TMED7: variants seen among roughly 807,000 people sequenced by gnomAD.
TMED7 encodes the protein transmembrane emp24 domain-containing protein 7.
Under a neutral mutation model 23.4 loss-of-function variants are expected in TMED7, and 8 were observed. The ratio of observed to expected loss-of-function variants is 0.34; its 90% CI spans 0.20 to 0.62. The LOEUF (loss-of-function observed/expected upper bound fraction) is 0.62, where lower values mean the gene tolerates loss of function less well. TMED7 is among the 20% of genes least tolerant of loss of function. The pLI, the probability that TMED7 is intolerant of heterozygous loss-of-function variation, is 0.77. For synonymous variants in TMED7, 121 were observed against 108.5 expected (o/e 1.12, Z -0.72); for missense variants, 232 against 279.1 (o/e 0.83, Z 1.20).
At position 115,614,504 on chromosome 5, in the gene TMED7, G is replaced by A. The variant is rs143372344; in HGVS notation, c.*1705C>T. On this transcript the variant is annotated 3_prime_UTR_variant, in exon 3 of 3. Transcript: ENST00000456936. ...TACAACTTTCAAATTTAAATATAAA[G>A]GGACACTTGCAAAGCCGCAAGACAA... is the stretch of plus-strand genomic sequence containing the variant. 2 of 152,438 alleles carry A rather than the reference G, an allele frequency of 1.3e-5. No homozygotes were observed. The highest frequency in any genetic ancestry group is 3.8e-4 in the East Asian group (2 of 5,198). 9.4% of individuals were successfully genotyped at this position (152,438 alleles called of 1,614,324 possible).
chr5:115,622,770 A>G (rs1258472841), intron 1 of TMED7, among the ~76,000 whole-genome samples: 1 of 152,204 alleles, frequency 6.6e-6, no homozygotes, highest in African/African-American at 2.4e-5. Flanking sequence ...TACTATTCAC[A>G]TGTTCTTCCT....
At chr5:115,622,304 G>A (rs1757058117) in intron 1 of TMED7, among the ~76,000 whole-genome samples, 2 of 152,028 alleles carry the variant, frequency 1.3e-5, no homozygotes, top group African/African-American at 4.8e-5. Flanking sequence ...ACCTACTATT[G>A]AAACTGAGGA....
At chr5:115,617,119 C>T (rs1349115329) in intron 2 of TMED7, among the ~76,000 whole-genome samples, 1 of 152,158 alleles carries the variant, frequency 6.6e-6, no homozygotes, top group Non-Finnish European at 1.5e-5. Flanking sequence ...ATTTGTGAGC[C>T]TTTAGCTGAT....
rs1334118734 is a variant in TMED7 at position 115,615,846 on chromosome 5, T to C, written c.*363A>G. The C allele has an allele frequency of 1.2e-5, 3 of 249,026 alleles. No individual in the cohort carries two copies. In the Admixed American group the frequency reaches 1.5e-4, roughly 13 times the overall value. The allele number at this position is 249,026 out of a possible 1,614,324, so 15.4% of individuals were successfully genotyped here. ...TCTTCCTCCCTAACACATGTAGACA[T>C]TAAATCTAAAGTTTTTAAAATATCA... On this transcript the variant is annotated 3_prime_UTR_variant, in exon 3 of 3. Coordinates refer to ENST00000456936, the MANE Select transcript of TMED7 (RefSeq NM_181836.6).
Position 115,625,702 on chromosome 5 carries a change from G to A in TMED7, c.91C>T (p.Pro31Ser). The change falls in exon 1 of 3, where the codon CCC becomes TCC. Residue 31 changes from proline to serine, a missense_variant. Around this residue, in one of 2 missense-constraint regions of TMED7, gnomAD observed 106 missense variants for 97.0 expected, o/e 1.09. Coordinates refer to ENST00000456936, the MANE Select transcript of TMED7 (RefSeq NM_181836.6). ...AAGGTGATCTCAGAGGCGCCGCCGG[G>A]TCCAGGCACCAGTAGCAGCAGTGCG... ...LLALLLLVPG[P>S]GGASEITFEL... 2.5e-6 allele frequency: 4 copies of A among 1,603,132 alleles called. No individual in the cohort carries two copies. The highest frequency in any genetic ancestry group is 3.4e-6 in the Non-Finnish European group (4 of 1,175,982).
At position 115,614,623 on chromosome 5, in the gene TMED7, G is replaced by C. The variant is rs188854122; in HGVS notation, c.*1586C>G. On this transcript the variant is annotated 3_prime_UTR_variant, in exon 3 of 3. Coordinates refer to ENST00000456936, the MANE Select transcript of TMED7 (RefSeq NM_181836.6). ...AAGGAGTAGCTGGTCTTCAAACACC[G>C]TAAAAAGTTAAAGGGTTGAAAACAT... 1 of 152,082 alleles carries C rather than the reference G, an allele frequency of 6.6e-6. No individual in the cohort carries two copies. Among genetic ancestry groups the C allele is most frequent in the Admixed American group, 6.6e-5 (1 of 15,260 alleles). The allele number at this position is 152,082 out of a possible 1,614,324, so 9.4% of individuals were successfully genotyped here.
At chr5:115,616,572 T>A (rs1756758280) in intron 2 of TMED7, 127 bp from the exon 3 acceptor site, 2 of 1,373,548 alleles carry the variant, frequency 1.5e-6, no homozygotes, top group Admixed American at 2.2e-5. Flanking sequence ...CTGGCATTCA[T>A]TCATACATTT....
Position 115,615,066 on chromosome 5 carries a change from AC to A in TMED7, c.*1142del, listed in dbSNP as rs1756650770. 1 of 152,140 alleles carries A rather than the reference AC, an allele frequency of 6.6e-6. No homozygotes were observed. Among genetic ancestry groups the A allele is most frequent in the Admixed American group, 6.5e-5 (1 of 15,272 alleles). 9.4% of individuals were successfully genotyped at this position (152,140 alleles called of 1,614,324 possible). The stretch of plus-strand genomic sequence containing the variant: ...AGTTATAAGATGCAACACAATGTAA[AC>A]CCTATAGTCTACAGAATATGCACTA... On this transcript the variant is annotated 3_prime_UTR_variant, in exon 3 of 3. Transcript: ENST00000456936.
At chr5:115,616,539 C>G (rs1310267794) in intron 2 of TMED7, 94 bp from the exon 3 acceptor site, 2 of 1,551,764 alleles carry the variant, frequency 1.3e-6, no homozygotes, top group Non-Finnish European at 1.8e-6. Flanking sequence ...CTCAATTCCT[C>G]TTTTGACTAA....
rs1030838908 is a variant in TMED7, at chr5:115,615,754, T to G, written c.*455A>C. The G allele has an allele frequency of 5.5e-6, 1 of 181,060 alleles. No individual in the cohort carries two copies. The allele number at this position is 181,060 out of a possible 1,614,324, so 11.2% of individuals were successfully genotyped here. On this transcript the variant is annotated 3_prime_UTR_variant, in exon 3 of 3. Transcript: ENST00000456936. Reference sequence around the variant, plus strand: ...ATTTTTCCTCCATAAAACTGAACAGTGCAGAATAGGGCTTGGGCTACAGTT... The same window carrying G: ...ATTTTTCCTCCATAAAACTGAACAGGGCAGAATAGGGCTTGGGCTACAGTT...
intron 1 of TMED7, among the ~76,000 whole-genome samples, chr5:115,624,512 G>A (rs1757136564): frequency 6.6e-6 from 1 of 152,110 alleles, no homozygotes; most frequent in Admixed American, 6.5e-5. Context: ...TATTAATGCA[G>A]CTACCAAGAA....
Position 115,616,354 on chromosome 5 carries a change from C to T in TMED7, c.530G>A (p.Ser177Asn). 1 of 1,614,196 alleles carries T rather than the reference C, an allele frequency of 6.2e-7. No homozygotes were observed. Among genetic ancestry groups the T allele is most frequent in the Non-Finnish European group, 8.5e-7 (1 of 1,180,016 alleles). ...HFRLREAQGR[S>N]RAEDLNTRVA... ...TCTTGTATTTAGATCCTCTGCTCGG[C>T]TTCGGCCTTGAGCTTCTCTTAAACG... The change falls in exon 3 of 3, where the codon AGC becomes AAC. Residue 177 changes from serine (S) to asparagine (N), a missense_variant. By Grantham distance (46) the Ser-to-Asn change is conservative. Transcript: ENST00000456936.
chr5:115,624,034 C>G (rs1167501303), intron 1 of TMED7, among the ~76,000 whole-genome samples: 1 of 152,148 alleles, frequency 6.6e-6, no homozygotes, highest in Non-Finnish European at 1.5e-5. Context: ...TCATATCGGG[C>G]TTTCCTGAGA....
At chr5:115,623,160 G>T (rs1757093412) in intron 1 of TMED7, among the ~76,000 whole-genome samples, 1 of 152,224 alleles carries the variant, frequency 6.6e-6, no homozygotes, top group Non-Finnish European at 1.5e-5. Context: ...CACAGCAAGA[G>T]ATCTGAAAAG....
chr5:115,620,415 T>C lies in TMED7; in HGVS notation c.438+20A>G, dbSNP rs753789019. ...TCCTTTTAAATATACCAACATTATA[T>C]TGCTGATTTTTTTATTTACCTGGGT... On this transcript the variant is annotated intron_variant, in intron 2 of 2. Coordinates refer to ENST00000456936, the MANE Select transcript of TMED7 (RefSeq NM_181836.6). 4.1e-6 allele frequency: 6 copies of C among 1,480,558 alleles called. No individual in the cohort carries two copies. In the African/African-American group the frequency reaches 7.2e-5, roughly 18 times the overall value. The allele number at this position is 1,480,558 out of a possible 1,614,324, so 91.7% of individuals were successfully genotyped here.
intron 2 of TMED7, 44 bp downstream of exon 2, chr5:115,620,391 C>T (rs1339976653): frequency 1.4e-6 from 2 of 1,450,056 alleles, no homozygotes; most frequent in South Asian, 1.6e-5. Context: ...CTTTTTTCCT[C>T]CTTTTAAATA....
At chr5:115,618,267 G>C (rs2112569965) in intron 2 of TMED7, among the ~76,000 whole-genome samples, 1 of 152,216 alleles carries the variant, frequency 6.6e-6, no homozygotes, top group South Asian at 2.1e-4. Context: ...TATCACTTCA[G>C]CTACAAATAC....
rs1159498119 is a variant in TMED7 at position 115,613,709 on chromosome 5, T to C, written c.*2500A>G. 1.3e-5 allele frequency: 2 copies of C among 152,686 alleles called. No individual in the cohort carries two copies. Among genetic ancestry groups the C allele is most frequent in the East Asian group, 3.9e-4 (2 of 5,194 alleles). The allele number at this position is 152,686 out of a possible 1,614,324, so 9.5% of individuals were successfully genotyped here. ...GAAACAAAAATGCATAGTACAGAGA[T>C]TTAAATGAAATCTTCGAAAGAATAA... On this transcript the variant is annotated 3_prime_UTR_variant, in exon 3 of 3. Coordinates refer to ENST00000456936, the MANE Select transcript of TMED7 (RefSeq NM_181836.6).
intron 2 of TMED7, among the ~76,000 whole-genome samples, chr5:115,617,807 T>C (rs1756839659): frequency 6.6e-6 from 1 of 152,206 alleles, no homozygotes. Flanking sequence ...GATGTGACTT[T>C]TTTTGAGATG....
Sources: allele counts gnomAD v4.1 joint callset (sites outside exome capture counted in the v4.1 genomes callset), GRCh38; gene constraint gnomAD v4.1.1; regional missense constraint gnomAD v4.1.1; transcripts MANE v1.5; gene names NCBI Gene and HGNC (gene_info 2026-07-23, HGNC 2026-07-21).